Variants in VPS13B observed in about 807,000 individuals in gnomAD.
VPS13B encodes intermembrane lipid transfer protein VPS13B.
A neutral mutation model predicts 426.4 loss-of-function variants in VPS13B; 285 were observed. That is an observed-to-expected ratio of 0.67 (90% CI 0.61 to 0.74). The LOEUF is 0.74. Ranked by LOEUF, VPS13B falls within the 30% of genes least tolerant of loss-of-function variation. VPS13B has a pLI of 0.00. For missense variants in VPS13B, 4,537 were observed against 4,782.6 expected (o/e 0.95, Z 1.51); for synonymous variants, 1,676 against 1,676.4 (o/e 1.00, Z 0.01).
At chr8:99,220,786 T>TA in intron 17 of VPS13B, among the ~76,000 whole-genome samples, 1 of 142,610 alleles carries the variant, frequency 7.0e-6, no homozygotes, top group Non-Finnish European at 1.5e-5. Flanking sequence ...TATTCTTTTT[T>TA]TTTTTTTTTT....
intron 36 of VPS13B, among the ~76,000 whole-genome samples, chr8:99,710,965 C>T (rs1170207510): frequency 6.6e-6 from 1 of 152,004 alleles, no homozygotes; most frequent in African/African-American, 2.4e-5. Context: ...AGATCACACA[C>T]TGTACACCAG....
intron 3 of VPS13B, among the ~76,000 whole-genome samples, chr8:99,056,395 A>AT (rs771457173): frequency 1.6e-4 from 24 of 152,104 alleles, no homozygotes; most frequent in Non-Finnish European, 2.6e-4. Context: ...CATTTGCCAG[A>AT]TTCGTTTGTT....
rs184578525 is a variant in VPS13B, at chr8:99,337,993, A to G, written c.2825-46215A>G. Among the ~76,000 whole-genome samples the G allele has an allele frequency of 3.4e-4, 52 of 152,230 alleles. No homozygotes were observed. The East Asian group carries it at 9.8e-3, about 29-fold the overall frequency. ...ATTCAGTGCCCTGGCATGTTTGTTG[A>G]AAATCAATAGACAACATATGCATGA... On this transcript the variant is annotated intron_variant, in intron 19 of 61. Coordinates refer to ENST00000357162, the MANE Select transcript of VPS13B (RefSeq NM_152564.5).
intron 19 of VPS13B, among the ~76,000 whole-genome samples, chr8:99,281,880 T>A (rs1819192510): frequency 6.6e-6 from 1 of 152,246 alleles, no homozygotes; most frequent in South Asian, 2.1e-4. Flanking sequence ...TGTATCTGAA[T>A]GATCTAATCA....
At chr8:99,092,676 A>G (rs189344710) in intron 3 of VPS13B, among the ~76,000 whole-genome samples, 5 of 152,214 alleles carry the variant, frequency 3.3e-5, no homozygotes, top group African/African-American at 1.2e-4. Flanking sequence ...AGCAAGTTCA[A>G]ATCATTGAAA....
chr8:99,428,948 C>T (rs1161080953), intron 21 of VPS13B, among the ~76,000 whole-genome samples: 1 of 152,048 alleles, frequency 6.6e-6, no homozygotes, highest in Non-Finnish European at 1.5e-5. Context: ...TACTATGCAG[C>T]CATAAAAAAT....
chr8:99,027,945 T>G (rs1184329386), intron 2 of VPS13B, among the ~76,000 whole-genome samples: 1 of 152,170 alleles, frequency 6.6e-6, no homozygotes, highest in African/African-American at 2.4e-5. Flanking sequence ...GTGATGACTC[T>G]TAACAAAGCA....
At chr8:99,812,568 G>C (rs1379004752) in intron 44 of VPS13B, among the ~76,000 whole-genome samples, 1 of 152,138 alleles carries the variant, frequency 6.6e-6, no homozygotes, top group East Asian at 1.9e-4. Flanking sequence ...TCTGTGCTCT[G>C]CATTTCTTAT....
At chr8:99,330,416 G>A (rs1330637924) in intron 19 of VPS13B, among the ~76,000 whole-genome samples, 1 of 151,810 alleles carries the variant, frequency 6.6e-6, no homozygotes, top group Non-Finnish European at 1.5e-5. Flanking sequence ...ATCAAGTACT[G>A]AATAAAGAAC....
intron 24 of VPS13B, among the ~76,000 whole-genome samples, chr8:99,475,562 GT>G (rs1349574909): frequency 3.3e-5 from 5 of 152,120 alleles, no homozygotes; most frequent in Non-Finnish European, 5.9e-5. Context: ...TTTTTATGGT[GT>G]TACTAAATGT....
At chr8:99,550,628 T>A (rs1824230497) in intron 30 of VPS13B, among the ~76,000 whole-genome samples, 1 of 151,990 alleles carries the variant, frequency 6.6e-6, no homozygotes, top group Admixed American at 6.6e-5. Flanking sequence ...TTTCTTTTAG[T>A]TTATTCTACT....
intron 2 of VPS13B, among the ~76,000 whole-genome samples, chr8:99,019,473 T>TA (rs1563486292): frequency 6.6e-6 from 1 of 152,192 alleles, no homozygotes; most frequent in Non-Finnish European, 1.5e-5. Flanking sequence ...GTGCTGGGCT[T>TA]ACAAGCATGA....
At chr8:99,369,671 T>G (rs1197519991) in intron 19 of VPS13B, among the ~76,000 whole-genome samples, 1 of 152,202 alleles carries the variant, frequency 6.6e-6, no homozygotes, top group African/African-American at 2.4e-5. Context: ...GATAAAGCAG[T>G]TGTTTTTAGA....
At chr8:99,052,052 A>G (rs1843586675) in intron 3 of VPS13B, among the ~76,000 whole-genome samples, 1 of 150,886 alleles carries the variant, frequency 6.6e-6, no homozygotes, top group African/African-American at 2.4e-5. Flanking sequence ...CCCTGGCCAG[A>G]ACTTCCAACA....
At chr8:99,613,583 T>C (rs1322900740) in intron 33 of VPS13B, among the ~76,000 whole-genome samples, 1 of 152,220 alleles carries the variant, frequency 6.6e-6, no homozygotes, top group Non-Finnish European at 1.5e-5. Flanking sequence ...GACTTGTTAG[T>C]AGCCTGGAGC....
Position 99,379,890 on chromosome 8 carries a change from C to A in VPS13B, c.2825-4318C>A, listed in dbSNP as rs143224401. 5.5e-3 allele frequency among the ~76,000 whole-genome samples: 835 copies of A among 152,162 alleles called. 8 individuals are homozygous for A. The highest frequency in any genetic ancestry group is 0.019 in the African/African-American group (801 of 41,524). ...TAAATCTAATTTTAATTTTATTTAT[C>A]TACGTAGGTTTTAGAAAGATCTTTT... On this transcript the variant is annotated intron_variant, in intron 19 of 61. Transcript: ENST00000357162.
chr8:99,425,093 A>T (rs2133389578), intron 21 of VPS13B, among the ~76,000 whole-genome samples: 1 of 152,320 alleles, frequency 6.6e-6, no homozygotes, highest in Non-Finnish European at 1.5e-5. Context: ...AACCAAAAAA[A>T]GTCCAGGACC....
chr8:99,127,411 C>CT (rs1356482232), intron 8 of VPS13B, among the ~76,000 whole-genome samples: 1 of 152,160 alleles, frequency 6.6e-6, no homozygotes, highest in Non-Finnish European at 1.5e-5. Context: ...AAACAGAACT[C>CT]TTGATTTTTC....
At chr8:99,404,252 A>G (rs1815209093) in intron 21 of VPS13B, among the ~76,000 whole-genome samples, 1 of 152,234 alleles carries the variant, frequency 6.6e-6, no homozygotes, top group Middle Eastern at 3.2e-3. Context: ...TTTGGAAATA[A>G]GTGTAAGTTA....
Sources: allele counts gnomAD v4.1 joint callset (sites outside exome capture counted in the v4.1 genomes callset), GRCh38; gene constraint gnomAD v4.1.1; transcripts MANE v1.5; gene names NCBI Gene and HGNC (gene_info 2026-07-23, HGNC 2026-07-21).